LYPLA1: variants seen among roughly 807,000 people sequenced by gnomAD.
LYPLA1 encodes the protein lysophospholipase 1.
A neutral mutation model predicts 34.0 loss-of-function variants in LYPLA1; 17 were observed. The observed-to-expected ratio is 0.50, with a 90% CI of 0.34 to 0.75. The LOEUF (loss-of-function observed/expected upper bound fraction) is 0.75. LYPLA1 is among the 30% of genes least tolerant of loss of function. The pLI is 0.01. For synonymous variants in LYPLA1, 98 were observed against 100.8 expected (o/e 0.97, Z 0.17); for missense variants, 203 against 288.8 (o/e 0.70, Z 2.15).
At chr8:54,090,953 C>T (rs1809198883) in intron 2 of LYPLA1, among the ~76,000 whole-genome samples, 2 of 152,196 alleles carry the variant, frequency 1.3e-5, no homozygotes, top group South Asian at 2.1e-4. Context: ...TTCCACCTTT[C>T]CTGAGGCCTC....
intron 2 of LYPLA1, among the ~76,000 whole-genome samples, chr8:54,079,042 G>A (rs1490643610): frequency 6.6e-6 from 1 of 152,004 alleles, no homozygotes; most frequent in Non-Finnish European, 1.5e-5. Flanking sequence ...CTGGAGTGCA[G>A]GGATGGCTCA....
At position 54,099,391 on chromosome 8, in the gene LYPLA1, G is replaced by T. The variant is rs112096450; in HGVS notation, c.101+1517C>A. Among the ~76,000 whole-genome samples, 481 of 152,224 alleles carry T rather than the reference G, an allele frequency of 3.2e-3. 4 individuals carry two copies. Among genetic ancestry groups the T allele is most frequent in the Non-Finnish European group, 4.9e-3 (332 of 68,004 alleles). ...ACTCGACTTATTAGGCAAAAAATAGGAATCACTTTTAAGTGGTGGCTCACG... is the reference window on the plus strand; with the variant it reads ...ACTCGACTTATTAGGCAAAAAATAGTAATCACTTTTAAGTGGTGGCTCACG... On this transcript the variant is annotated intron_variant, in intron 2 of 8. Coordinates refer to ENST00000316963, the MANE Select transcript of LYPLA1 (RefSeq NM_006330.4).
intron 2 of LYPLA1, among the ~76,000 whole-genome samples, chr8:54,072,589 A>G (rs562334495): frequency 1.3e-5 from 2 of 152,036 alleles, no homozygotes; most frequent in African/African-American, 4.8e-5. Flanking sequence ...TTATTCCTTT[A>G]CTTTCTTAAT....
intron 2 of LYPLA1, among the ~76,000 whole-genome samples, chr8:54,077,263 T>C (rs771059565): frequency 8.5e-5 from 13 of 152,162 alleles, no homozygotes; most frequent in Non-Finnish European, 1.9e-4. Flanking sequence ...ATACCACATG[T>C]TCTCACTTGT....
At position 54,048,168 on chromosome 8, in the gene LYPLA1, A is replaced by G. The variant is rs762363003; in HGVS notation, c.640-50T>C. ...AGGTAGGTAGTTATGTAAGTCAGAAATTAAATTCCCACTAAAATGCCACTA... is the reference window on the plus strand; with the variant it reads ...AGGTAGGTAGTTATGTAAGTCAGAAGTTAAATTCCCACTAAAATGCCACTA... On this transcript the variant is annotated intron_variant, in intron 8 of 8. Coordinates refer to ENST00000316963, the MANE Select transcript of LYPLA1 (RefSeq NM_006330.4). 2.6e-6 allele frequency: 3 copies of G among 1,176,412 alleles called. No individual in the cohort carries two copies. In the South Asian group the frequency reaches 3.7e-5, roughly 15 times the overall value. 72.9% of individuals were successfully genotyped at this position (1,176,412 alleles called of 1,614,324 possible). A position where few individuals can be genotyped will look rare whatever the true frequency, so the allele number is the denominator to read the frequency against.
intron 8 of LYPLA1, among the ~76,000 whole-genome samples, chr8:54,049,560 G>A (rs537621103): frequency 3.3e-5 from 5 of 152,102 alleles, no homozygotes; most frequent in Admixed American, 1.3e-4. Flanking sequence ...CACCTCACCC[G>A]GCCTGTCCTC....
In LYPLA1 at chr8:54,071,471, G is replaced by A. The variant is rs569176090; in HGVS notation, c.102-5658C>T. Reference sequence around the variant, plus strand: ...TAAAAAAAGACTCATCTATATATACGTACATATATATACAGGGTGGGGGCG... The same window carrying A: ...TAAAAAAAGACTCATCTATATATACATACATATATATACAGGGTGGGGGCG... On this transcript the variant is annotated intron_variant, in intron 2 of 8. Coordinates refer to ENST00000316963, the MANE Select transcript of LYPLA1 (RefSeq NM_006330.4). Among the ~76,000 whole-genome samples, 365 of 152,110 alleles carry A rather than the reference G, an allele frequency of 2.4e-3. 2 individuals are homozygous for A. Among genetic ancestry groups the A allele is most frequent in the Non-Finnish European group, 4.1e-3 (279 of 68,018 alleles).
At chr8:54,073,587 A>C in intron 2 of LYPLA1, 1 of 557,334 alleles carries the variant, frequency 1.8e-6, no homozygotes, top group South Asian at 2.2e-5. Context: ...TGACCTATTT[A>C]CAGAAGTATA....
chr8:54,060,689 CTTTT>C (rs761596145), intron 5 of LYPLA1, among the ~76,000 whole-genome samples: 9 of 123,478 alleles, frequency 7.3e-5, no homozygotes, highest in Non-Finnish European at 9.8e-5. Context: ...TTTTTTCTTC[CTTTT>C]TTTTTTTTTT....
At chr8:54,059,918 T>A (rs1806476995) in intron 5 of LYPLA1, among the ~76,000 whole-genome samples, 1 of 152,234 alleles carries the variant, frequency 6.6e-6, no homozygotes, top group East Asian at 1.9e-4. Flanking sequence ...TAAGTAACTA[T>A]GTAAATAAAA....
intron 2 of LYPLA1, among the ~76,000 whole-genome samples, chr8:54,080,306 C>A (rs1012576308): frequency 2.0e-5 from 3 of 151,412 alleles, no homozygotes; most frequent in African/African-American, 7.3e-5. Context: ...GAGCCACGAG[C>A]GTACTATGCC....
intron 5 of LYPLA1, among the ~76,000 whole-genome samples, chr8:54,056,109 A>G (rs1806188525): frequency 6.6e-6 from 1 of 152,222 alleles, no homozygotes; most frequent in African/African-American, 2.4e-5. Context: ...GACTAAAGGA[A>G]CAGAATAGAG....
intron 7 of LYPLA1, among the ~76,000 whole-genome samples, chr8:54,051,907 G>C (rs1334512694): frequency 6.7e-6 from 1 of 150,118 alleles, no homozygotes; most frequent in African/African-American, 2.5e-5. Flanking sequence ...CTGGAGTGAA[G>C]TGGCACAATC....
chr8:54,082,361 T>C (rs1438878753), intron 2 of LYPLA1, among the ~76,000 whole-genome samples: 1 of 151,830 alleles, frequency 6.6e-6, no homozygotes, highest in Non-Finnish European at 1.5e-5. Flanking sequence ...AAGACAAAAG[T>C]AGAAAATGAA....
At chr8:54,066,575 G>A (rs1340829086) in intron 2 of LYPLA1, among the ~76,000 whole-genome samples, 1 of 151,968 alleles carries the variant, frequency 6.6e-6, no homozygotes, top group Non-Finnish European at 1.5e-5. Context: ...GAGGTCAGGA[G>A]TTCAAGACAA....
intron 2 of LYPLA1, among the ~76,000 whole-genome samples, chr8:54,076,903 G>A (rs930360029): frequency 7.2e-5 from 11 of 152,090 alleles, no homozygotes; most frequent in Admixed American, 2.6e-4. Flanking sequence ...CAGCTCTGAA[G>A]GCTGTGAGAC....
intron 2 of LYPLA1, among the ~76,000 whole-genome samples, chr8:54,090,380 CTG>C (rs1230268326): frequency 6.6e-6 from 1 of 152,200 alleles, no homozygotes. Flanking sequence ...TATGGAAAGA[CTG>C]TGTTTCTGTT....
At chr8:54,065,545 T>C (rs1043833833) in intron 3 of LYPLA1, among the ~76,000 whole-genome samples, 5 of 133,480 alleles carry the variant, frequency 3.7e-5, no homozygotes, top group Admixed American at 2.9e-4. Flanking sequence ...TATTTTAAAT[T>C]GCTTAACGAA....
intron 2 of LYPLA1, among the ~76,000 whole-genome samples, chr8:54,078,108 G>A (rs1348483143): frequency 5.3e-5 from 8 of 151,912 alleles, no homozygotes; most frequent in African/African-American, 7.2e-5. Flanking sequence ...GCACCACCAC[G>A]CCCTGCTAAT....
Sources: allele counts gnomAD v4.1 joint callset (sites outside exome capture counted in the v4.1 genomes callset), GRCh38; gene constraint gnomAD v4.1.1; transcripts MANE v1.5; gene names NCBI Gene and HGNC (gene_info 2026-07-23, HGNC 2026-07-21).